Variants in BLNK observed in about 807,000 individuals in gnomAD.
The protein encoded by BLNK is B cell linker.
Under a neutral mutation model 73.5 loss-of-function variants are expected in BLNK, and 29 were observed. The observed-to-expected ratio is 0.39, with a 90% CI of 0.29 to 0.54. BLNK has a LOEUF of 0.54. Among genes scored for constraint, BLNK ranks in the 20% least tolerant of loss-of-function variants. BLNK has a pLI of 0.61. For synonymous variants in BLNK, 176 were observed against 200.8 expected (o/e 0.88, Z 1.04); for missense variants, 460 against 562.8 (o/e 0.82, Z 1.85).
At chr10:96,265,969 A>G (rs1843979953) in intron 1 of BLNK, among the ~76,000 whole-genome samples, 1 of 152,236 alleles carries the variant, frequency 6.6e-6, no homozygotes, top group Admixed American at 6.5e-5. Flanking sequence ...ATGGAGAACC[A>G]TTGATTGAAA....
intron 16 of BLNK, among the ~76,000 whole-genome samples, chr10:96,194,233 A>G (rs1376618309): frequency 2.0e-5 from 3 of 152,216 alleles, no homozygotes; most frequent in Non-Finnish European, 4.4e-5. Flanking sequence ...TCTTATAGAA[A>G]AGCTAGACTG....
rs34233512 is a variant in BLNK at position 96,227,622 on chromosome 10, G to A, written c.205-56C>T. 671,400 of 1,610,046 alleles carry A rather than the reference G, an allele frequency of 0.42. 149,651 individuals carry two copies. Among genetic ancestry groups the A allele is most frequent in the Non-Finnish European group, 0.46 (548,192 of 1,179,354 alleles). ...GCATCCCCGTCTGTGCTGCCTGGCC[G>A]TCAGGACCATTCCTGCCTTGGGAGG... On this transcript the variant is annotated intron_variant, in intron 4 of 16. Coordinates refer to ENST00000224337, the MANE Select transcript of BLNK (RefSeq NM_013314.4).
In BLNK at chr10:96,260,324, C is replaced by T. The variant is rs114848257; in HGVS notation, c.47+11028G>A. ...TCTGATGAGGTGCTGACAGCTGCAC[C>T]GTGCATGTGTTCACTGTCTGTCCTC... On this transcript the variant is annotated intron_variant, in intron 1 of 16. Coordinates refer to ENST00000224337, the MANE Select transcript of BLNK (RefSeq NM_013314.4). Among the ~76,000 whole-genome samples, 1,020 of 152,222 alleles carry T rather than the reference C, an allele frequency of 6.7e-3. 13 individuals carry two copies. The highest frequency in any genetic ancestry group is 0.023 in the African/African-American group (965 of 41,516).
intron 1 of BLNK, among the ~76,000 whole-genome samples, chr10:96,256,413 A>C (rs1199740402): frequency 6.6e-6 from 1 of 152,196 alleles, no homozygotes; most frequent in Non-Finnish European, 1.5e-5. Flanking sequence ...AAAATAAAAA[A>C]ATTAATGTTC....
At chr10:96,216,198 G>A in intron 7 of BLNK, 1 of 201,294 alleles carries the variant, frequency 5.0e-6, no homozygotes, top group Non-Finnish European at 1.0e-5. Flanking sequence ...GTTTACGGAT[G>A]AAATGTTTCA....
At position 96,227,451 on chromosome 10, in the gene BLNK, G is replaced by A. The variant is rs375364894; in HGVS notation, c.320C>T (p.Pro107Leu). ...EPPPVEQETR[P>L]VHPALPFARG... Reference sequence around the variant, plus strand: ...GGCGAAGGGCAGGGCTGGGTGAACCGGCCTGGTTTCCTGCTCTACTGGAGG... The same window carrying A: ...GGCGAAGGGCAGGGCTGGGTGAACCAGCCTGGTTTCCTGCTCTACTGGAGG... Residue 107 changes from proline (P) to leucine (L), a missense_variant, in exon 5 of 17, where the codon CCG (proline) becomes CTG (leucine). Physicochemically the swap from Pro to Leu is moderately conservative, Grantham distance 98 (BLOSUM62 -3). Coordinates refer to ENST00000224337, the MANE Select transcript of BLNK (RefSeq NM_013314.4). The A allele has an allele frequency of 1.9e-4, 306 of 1,614,060 alleles. 1 individual carries two copies. The highest frequency in any genetic ancestry group is 2.3e-4 in the Non-Finnish European group (277 of 1,180,056).
chr10:96,269,744 A>G (rs1250877961), intron 1 of BLNK, among the ~76,000 whole-genome samples: 2 of 152,046 alleles, frequency 1.3e-5, no homozygotes, highest in Non-Finnish European at 2.9e-5. Flanking sequence ...ACCTGGACCC[A>G]CCTTATTTGT....
chr10:96,264,683 C>T (rs1038339820), intron 1 of BLNK, among the ~76,000 whole-genome samples: 1 of 152,014 alleles, frequency 6.6e-6, no homozygotes, highest in Non-Finnish European at 1.5e-5. Context: ...CCATCGGTTT[C>T]AAAAAAATAT....
intron 15 of BLNK, among the ~76,000 whole-genome samples, chr10:96,197,911 A>G (rs1177291050): frequency 7.9e-6 from 1 of 126,030 alleles, no homozygotes; most frequent in East Asian, 1.9e-4. Context: ...GCGAGACAAC[A>G]TCAAAAAAAA....
At chr10:96,192,992 T>C (rs1250962474) in intron 16 of BLNK, among the ~76,000 whole-genome samples, 1 of 152,206 alleles carries the variant, frequency 6.6e-6, no homozygotes, top group Non-Finnish European at 1.5e-5. Flanking sequence ...TTTTTAAGTG[T>C]TTATTAATTG....
chr10:96,257,756 C>G (rs1406380157), intron 1 of BLNK, among the ~76,000 whole-genome samples: 1 of 152,248 alleles, frequency 6.6e-6, no homozygotes, highest in Non-Finnish European at 1.5e-5. Flanking sequence ...TGTGTGCACA[C>G]TGGGCATGGC....
In BLNK at chr10:96,227,393, T is replaced by C. The variant is rs1228971634; in HGVS notation, c.361+17A>G. On this transcript the variant is annotated intron_variant, in intron 5 of 16. Coordinates refer to ENST00000224337, the MANE Select transcript of BLNK (RefSeq NM_013314.4). Reference sequence around the variant, plus strand: ...GGGCCTGGAAGGCCGAGTGCCCAGGTCTGCGGGGGACCTCACCTATATACT... The same window carrying C: ...GGGCCTGGAAGGCCGAGTGCCCAGGCCTGCGGGGGACCTCACCTATATACT... 6.2e-7 allele frequency: 1 copy of C among 1,612,274 alleles called. No homozygotes were observed. The highest frequency in any genetic ancestry group is 8.5e-7 in the Non-Finnish European group (1 of 1,179,736).
chr10:96,208,033 G>T, intron 9 of BLNK, 134 bp from the exon 10 acceptor site: 1 of 938,264 alleles, frequency 1.1e-6, no homozygotes, highest in Non-Finnish European at 1.7e-6. Flanking sequence ...ATCCTTGCAG[G>T]GTGGAGAGGG....
intron 16 of BLNK, among the ~76,000 whole-genome samples, chr10:96,195,032 G>C (rs1737989055): frequency 6.6e-6 from 1 of 152,004 alleles, no homozygotes; most frequent in Non-Finnish European, 1.5e-5. Context: ...GCCTCCCAAA[G>C]TGCTGGGATT....
chr10:96,253,877 C>A (rs12783926), intron 1 of BLNK, among the ~76,000 whole-genome samples: 1 of 151,744 alleles, frequency 6.6e-6, no homozygotes, highest in East Asian at 1.9e-4. Flanking sequence ...AAAAATTAGC[C>A]GGGCATGGTG....
chr10:96,217,975 A>G lies in BLNK; in HGVS notation c.526-1241T>C, dbSNP rs1389774483. On this transcript the variant is annotated intron_variant, in intron 6 of 16. Coordinates refer to ENST00000224337, the MANE Select transcript of BLNK (RefSeq NM_013314.4). ...CTACATTTTCAGTTAATTTTTGTGT[A>G]TGGTGCGAGATTAGAAGTCCAGTTT... Among the ~76,000 whole-genome samples the G allele has an allele frequency of 6.6e-5, 10 of 152,208 alleles. 1 individual carries two copies. The highest frequency in any genetic ancestry group is 6.5e-4 in the Admixed American group (10 of 15,282).
intron 11 of BLNK, 141 bp downstream of exon 11, chr10:96,206,870 A>C (rs117272468): frequency 1.2e-5 from 11 of 913,590 alleles, no homozygotes; most frequent in Non-Finnish European, 1.9e-5. Flanking sequence ...TTCATTGCTC[A>C]TTGCAAAAAC....
At chr10:96,242,289 G>C (rs1554906447) in intron 3 of BLNK, among the ~76,000 whole-genome samples, 1 of 152,150 alleles carries the variant, frequency 6.6e-6, no homozygotes, top group Non-Finnish European at 1.5e-5. Flanking sequence ...CTTCCACTAT[G>C]ATTGTGAGGT....
At chr10:96,202,240 AG>A (rs1256373289) in intron 13 of BLNK, among the ~76,000 whole-genome samples, 2 of 152,250 alleles carry the variant, frequency 1.3e-5, no homozygotes, top group South Asian at 4.1e-4. Context: ...GGTTTTGAAC[AG>A]GGGGGTAACA....
Sources: gnomAD v4.1 joint callset for allele counts (sites outside exome capture counted in the v4.1 genomes callset) on GRCh38, gnomAD v4.1.1 for gene constraint, MANE v1.5 for transcripts, NCBI Gene and HGNC (gene_info 2026-07-23, HGNC 2026-07-21) for gene names.